Variants in TMEM108 observed in about 807,000 individuals in gnomAD.
The protein encoded by TMEM108 is cancer/testis antigen 124.
A neutral mutation model predicts 35.1 loss-of-function variants in TMEM108; 12 were observed. The ratio of observed to expected loss-of-function variants is 0.34; its 90% CI spans 0.22 to 0.55. The LOEUF (loss-of-function observed/expected upper bound fraction) is 0.55. TMEM108 is among the 20% of genes least tolerant of loss of function. TMEM108 has a pLI of 0.89. For synonymous variants in TMEM108, 287 were observed against 308.6 expected, an observed-to-expected ratio of 0.93 and a Z score of 0.73; for missense variants, 680 against 753.3, an observed-to-expected ratio of 0.90 and a Z score of 1.14.
At chr3:133,329,589 TA>T (rs2071370058) in intron 3 of TMEM108, among the ~76,000 whole-genome samples, 1 of 152,354 alleles carries the variant, frequency 6.6e-6, no homozygotes, top group East Asian at 1.9e-4. Context: ...GCAGCTTTGC[TA>T]ATCAGACAAG....
chr3:133,395,781 G>C, intron 5 of TMEM108, 83 bp from the exon 6 acceptor site: 3 of 1,358,812 alleles, frequency 2.2e-6, no homozygotes, highest in Non-Finnish European at 2.9e-6. Context: ...TGAAATAAAT[G>C]TTCCCATGTG....
intron 3 of TMEM108, among the ~76,000 whole-genome samples, chr3:133,338,004 C>A (rs1010196680): frequency 6.6e-6 from 1 of 151,692 alleles, no homozygotes; most frequent in African/African-American, 2.4e-5. Context: ...AAATACACGT[C>A]GGAGGAGGCA....
intron 2 of TMEM108, among the ~76,000 whole-genome samples, chr3:133,106,083 A>C (rs1243486343): frequency 2.0e-5 from 3 of 151,910 alleles, no homozygotes; most frequent in Non-Finnish European, 4.4e-5. Context: ...ACATACTTAT[A>C]ATAAGTGCAG....
intron 3 of TMEM108, among the ~76,000 whole-genome samples, chr3:133,278,680 A>G (rs773503527): frequency 1.5e-4 from 23 of 152,228 alleles, no homozygotes; most frequent in Non-Finnish European, 2.4e-4. Context: ...TGAAAATCCA[A>G]TATTATAATC....
At chr3:133,066,224 A>C (rs1943605286) in intron 2 of TMEM108, among the ~76,000 whole-genome samples, 1 of 152,074 alleles carries the variant, frequency 6.6e-6, no homozygotes, top group Non-Finnish European at 1.5e-5. Flanking sequence ...TACCAAGTTC[A>C]TTCCCATTGC....
chr3:133,377,491 A>G (rs962752487), intron 3 of TMEM108, among the ~76,000 whole-genome samples: 2 of 152,196 alleles, frequency 1.3e-5, no homozygotes, highest in East Asian at 1.9e-4. Context: ...CAGGATAAGC[A>G]TGCACTTTAA....
chr3:133,300,979 C>CACACACACACACAA (rs1947215456), intron 3 of TMEM108, among the ~76,000 whole-genome samples: 2 of 358 alleles, frequency 5.6e-3, no homozygotes, highest in African/African-American at 7.8e-3. Context: ...CCCCAGTACA[C>CACACACACACACAA]ACACACACAC....
intron 2 of TMEM108, among the ~76,000 whole-genome samples, chr3:133,072,750 C>A (rs2107690579): frequency 6.6e-6 from 1 of 152,224 alleles, no homozygotes. Context: ...ACTATCACCA[C>A]TATATTTCAG....
intron 2 of TMEM108, among the ~76,000 whole-genome samples, chr3:133,161,063 G>C (rs560685432): frequency 6.6e-6 from 1 of 152,044 alleles, no homozygotes; most frequent in Non-Finnish European, 1.5e-5. Flanking sequence ...ATCCTCCAGT[G>C]ACTTCTCAAT....
At chr3:133,081,970 A>T (rs1313501609) in intron 2 of TMEM108, among the ~76,000 whole-genome samples, 1 of 152,206 alleles carries the variant, frequency 6.6e-6, no homozygotes, top group Non-Finnish European at 1.5e-5. Flanking sequence ...GAGCTACCTT[A>T]GTAGAGCATG....
intron 2 of TMEM108, among the ~76,000 whole-genome samples, chr3:133,057,431 G>GTA (rs2043230095): frequency 2.4e-5 from 1 of 42,450 alleles, no homozygotes; most frequent in African/African-American, 9.0e-5. Flanking sequence ...TTGTGTGTGT[G>GTA]TGTGTATATA....
intron 3 of TMEM108, among the ~76,000 whole-genome samples, chr3:133,243,543 C>T (rs139395618): frequency 0.013 from 1,885 of 150,452 alleles, 14 homozygotes; most frequent in Middle Eastern, 0.024. Context: ...GTGGGGGGGA[C>T]GGAGTCTCGT....
At position 133,298,462 on chromosome 3, in the gene TMEM108, G is replaced by A. The variant is rs139335458; in HGVS notation, c.40+69111G>A. 3.7e-4 allele frequency among the ~76,000 whole-genome samples: 56 copies of A among 152,128 alleles called. 2 individuals are homozygous for A. The South Asian group carries it at 8.3e-3, about 23-fold the overall frequency. ...AGTCCCCTGGTGAATTTTCATATTC[G>A]TATTTTACCTAGAGTGCTTGTGATT... On this transcript the variant is annotated intron_variant, in intron 3 of 5. Coordinates refer to ENST00000321871, the MANE Select transcript of TMEM108 (RefSeq NM_023943.4).
At chr3:133,144,052 C>G (rs1045244752) in intron 2 of TMEM108, among the ~76,000 whole-genome samples, 3 of 151,278 alleles carry the variant, frequency 2.0e-5, no homozygotes, top group Non-Finnish European at 4.4e-5. Flanking sequence ...ATACACATGC[C>G]ATGGTGGTTT....
chr3:133,144,011 T>G (rs979252824), intron 2 of TMEM108, among the ~76,000 whole-genome samples: 1 of 150,322 alleles, frequency 6.7e-6, no homozygotes. Context: ...CTGGGGTACA[T>G]GTGCAGAACG....
At chr3:133,329,896 T>C (rs1361105723) in intron 3 of TMEM108, among the ~76,000 whole-genome samples, 1 of 152,196 alleles carries the variant, frequency 6.6e-6, no homozygotes, top group Non-Finnish European at 1.5e-5. Context: ...ATATTCCCTC[T>C]ACCTAGAGAG....
intron 2 of TMEM108, among the ~76,000 whole-genome samples, chr3:133,176,942 G>A (rs992211745): frequency 6.6e-6 from 1 of 152,118 alleles, no homozygotes; most frequent in Non-Finnish European, 1.5e-5. Context: ...GAAGAAAAGA[G>A]AGAAGAATCA....
intron 2 of TMEM108, among the ~76,000 whole-genome samples, chr3:133,058,693 A>C (rs1943502669): frequency 6.6e-6 from 1 of 152,118 alleles, no homozygotes; most frequent in Non-Finnish European, 1.5e-5. Context: ...CTCCATGTTT[A>C]CCTGGCTTTG....
At position 133,158,142 on chromosome 3, in the gene TMEM108, T is replaced by C. The variant is rs1289900906; in HGVS notation, c.-46-71124T>C. 2.0e-5 allele frequency among the ~76,000 whole-genome samples: 3 copies of C among 152,130 alleles called. No homozygotes were observed. In the East Asian group the frequency reaches 5.8e-4, roughly 29 times the overall value. Reference sequence around the variant, plus strand: ...AAACAGAGTTGGGTTCTGCCCTCCATATTTATCTCTGTGGTGTCTCATGTA... The same window carrying C: ...AAACAGAGTTGGGTTCTGCCCTCCACATTTATCTCTGTGGTGTCTCATGTA... On this transcript the variant is annotated intron_variant, in intron 2 of 5. Coordinates refer to ENST00000321871, the MANE Select transcript of TMEM108 (RefSeq NM_023943.4).
Sources: allele counts gnomAD v4.1 joint callset (sites outside exome capture counted in the v4.1 genomes callset), GRCh38; gene constraint gnomAD v4.1.1; transcripts MANE v1.5; gene names NCBI Gene and HGNC (gene_info 2026-07-23, HGNC 2026-07-21).